CILK1: variants seen among roughly 807,000 people sequenced by gnomAD.
CILK1 encodes serine/threonine-protein kinase ICK.
A neutral mutation model predicts 79.2 loss-of-function variants in CILK1; 47 were observed. That is an observed-to-expected ratio of 0.59 (90% CI 0.47 to 0.76). CILK1 has a LOEUF of 0.76. Among genes scored for constraint, CILK1 ranks in the 30% least tolerant of loss-of-function variants. CILK1 has a pLI of 0.00. For synonymous variants in CILK1, 266 were observed against 275.9 expected (o/e 0.96, Z 0.36); for missense variants, 660 against 769.5 (o/e 0.86, Z 1.68).
chr6:53,048,254 A>C (rs1767240344), intron 1 of CILK1, among the ~76,000 whole-genome samples: 1 of 152,226 alleles, frequency 6.6e-6, no homozygotes, highest in Admixed American at 6.5e-5. Flanking sequence ...GTAGATGAAG[A>C]AACACCGGAT....
chr6:53,033,059 A>G (rs1766074470), intron 3 of CILK1, among the ~76,000 whole-genome samples: 1 of 152,224 alleles, frequency 6.6e-6, no homozygotes, highest in South Asian at 2.1e-4. Context: ...TGAGATCACC[A>G]GCTAACAGTT....
At chr6:53,055,815 A>G (rs1286852493) in intron 1 of CILK1, among the ~76,000 whole-genome samples, 2 of 152,218 alleles carry the variant, frequency 1.3e-5, no homozygotes, top group Admixed American at 1.3e-4. Context: ...TAGGACACAT[A>G]GTTGGCTTTG....
Position 53,005,220 on chromosome 6 carries a change from G to A in CILK1, c.1828C>T (p.Pro610Ser), listed in dbSNP as rs889394256. ...TQPRSTPGLI[P>S]RPPAAQPVHG... ...ACTGGCTGGGCGGCTGGAGGCCGTG[G>A]TATCAACCCAGGAGTGCTTCTAGGC... The change falls in exon 14 of 14, where the codon CCA becomes TCA. Residue 610 changes from proline (P) to serine (S), a missense_variant. Transcript: ENST00000676107. 3.1e-6 allele frequency: 5 copies of A among 1,614,198 alleles called. No individual in the cohort carries two copies. In the East Asian group the frequency reaches 8.9e-5, roughly 29 times the overall value.
intron 1 of CILK1, among the ~76,000 whole-genome samples, chr6:53,054,263 T>C (rs187371723): frequency 1.1e-4 from 16 of 152,276 alleles, no homozygotes; most frequent in Non-Finnish European, 1.6e-4. Flanking sequence ...TAGTGCCTTG[T>C]CCTCACCTCA....
intron 5 of CILK1, among the ~76,000 whole-genome samples, chr6:53,025,447 T>C (rs146527735): frequency 6.6e-6 from 1 of 152,312 alleles, no homozygotes; most frequent in Non-Finnish European, 1.5e-5. Context: ...ACTGTAGTCA[T>C]GCTCCTGTAA....
chr6:53,055,777 T>C (rs888493836), intron 1 of CILK1, among the ~76,000 whole-genome samples: 7 of 152,220 alleles, frequency 4.6e-5, no homozygotes, highest in African/African-American at 1.7e-4. Flanking sequence ...AAAAAAGTTC[T>C]TCAATCACTT....
At chr6:53,023,443 C>G (rs1319923689) in intron 5 of CILK1, among the ~76,000 whole-genome samples, 1 of 152,078 alleles carries the variant, frequency 6.6e-6, no homozygotes, top group Non-Finnish European at 1.5e-5. Flanking sequence ...AGAGAGCAAA[C>G]CAGAGCTGTG....
intron 7 of CILK1, among the ~76,000 whole-genome samples, chr6:53,016,650 A>C (rs1764911209): frequency 6.6e-6 from 1 of 152,232 alleles, no homozygotes; most frequent in African/African-American, 2.4e-5. Context: ...TGGACAAATA[A>C]ATTTGTGAAA....
intron 12 of CILK1, among the ~76,000 whole-genome samples, chr6:53,008,361 G>A (rs1482608876): frequency 6.6e-6 from 1 of 151,656 alleles, no homozygotes; most frequent in African/African-American, 2.4e-5. Context: ...ATGGGGGGAG[G>A]TAAGGGGAAG....
chr6:53,018,782 A>G (rs1254544110), intron 6 of CILK1, among the ~76,000 whole-genome samples: 1 of 152,200 alleles, frequency 6.6e-6, no homozygotes, highest in East Asian at 1.9e-4. Flanking sequence ...AAAAAGAGAG[A>G]AAAGAGAAAG....
intron 3 of CILK1, among the ~76,000 whole-genome samples, chr6:53,033,891 CAGA>C (rs1403053231): frequency 2.6e-5 from 4 of 152,160 alleles, no homozygotes; most frequent in Admixed American, 2.0e-4. Context: ...GCTTCCTCCC[CAGA>C]AGAATAGTTC....
Position 53,030,478 on chromosome 6 carries a change from A to T in CILK1, c.358+587T>A, listed in dbSNP as rs144474958. ...TCACATTTTGCATGGTCTGACAACG[A>T]GCTCACAATCAAATCTTAGCCTGCT... On this transcript the variant is annotated intron_variant, in intron 5 of 13. Transcript: ENST00000676107. Among the ~76,000 whole-genome samples, 134 of 152,338 alleles carry T rather than the reference A, an allele frequency of 8.8e-4. No homozygotes were observed. In the East Asian group the frequency reaches 9.1e-3, roughly 10 times the overall value.
In CILK1 at chr6:53,011,852, T is replaced by G; in HGVS notation, c.1409A>C (p.Gln470Pro). 6.2e-7 allele frequency: 1 copy of G among 1,614,160 alleles called. No individual in the cohort carries two copies. The highest frequency in any genetic ancestry group is 2.2e-5 in the East Asian group (1 of 44,874). ...PVGTGNSAPT[Q>P]TSYQRRDTPT... ...CGTGTCTCGCCGCTGATATGACGTC[T>G]GGGTGGGGGCACTGTTTCCTGTGCC... Residue 470 changes from glutamine to proline, a missense_variant, in exon 11 of 14, where the codon CAG becomes CCG. By Grantham distance (76) the Gln-to-Pro change is moderately conservative. Coordinates refer to ENST00000676107, the MANE Select transcript of CILK1 (RefSeq NM_014920.5).
chr6:53,037,173 T>C (rs1333275394), intron 3 of CILK1, among the ~76,000 whole-genome samples: 1 of 152,194 alleles, frequency 6.6e-6, no homozygotes, highest in African/African-American at 2.4e-5. Flanking sequence ...ACCACTCCAC[T>C]GCACAAGGAA....
chr6:53,024,138 T>C (rs956394050), intron 5 of CILK1, among the ~76,000 whole-genome samples: 1 of 152,276 alleles, frequency 6.6e-6, no homozygotes, highest in African/African-American at 2.4e-5. Flanking sequence ...GTGAAATATT[T>C]ATGAATATAT....
In CILK1 at chr6:53,001,621, T is replaced by C. The variant is rs1346764202; in HGVS notation, c.*3528A>G. 1 of 152,596 alleles carries C rather than the reference T, an allele frequency of 6.6e-6. No homozygotes were observed. The highest frequency in any genetic ancestry group is 2.4e-5 in the African/African-American group (1 of 41,386). The allele number at this position is 152,596 out of a possible 1,614,324, so 9.5% of individuals were successfully genotyped here. On this transcript the variant is annotated 3_prime_UTR_variant, in exon 14 of 14. Transcript: ENST00000676107. ...TCTATGAGAAATTGATAATACAGATTAATGTGATATTTACCTCTAGTTTGT... is the reference window on the plus strand; with the variant it reads ...TCTATGAGAAATTGATAATACAGATCAATGTGATATTTACCTCTAGTTTGT...
At chr6:53,057,235 A>G (rs774208414) in intron 1 of CILK1, among the ~76,000 whole-genome samples, 16 of 148,554 alleles carry the variant, frequency 1.1e-4, no homozygotes, top group Admixed American at 2.0e-4. Context: ...GAGCAGTCAC[A>G]TGTTATCAAT....
At chr6:53,012,896 C>T (rs1181374779) in intron 9 of CILK1, among the ~76,000 whole-genome samples, 3 of 152,022 alleles carry the variant, frequency 2.0e-5, no homozygotes, top group Non-Finnish European at 4.4e-5. Context: ...AAAATAGAAC[C>T]CCTTGTCAGG....
chr6:53,034,354 T>A (rs1052354876), intron 3 of CILK1, among the ~76,000 whole-genome samples: 1 of 152,196 alleles, frequency 6.6e-6, no homozygotes, highest in Non-Finnish European at 1.5e-5. Context: ...TCCCTAGTAG[T>A]TTAATATAAA....
Sources: allele counts gnomAD v4.1 joint callset (sites outside exome capture counted in the v4.1 genomes callset), GRCh38; gene constraint gnomAD v4.1.1; transcripts MANE v1.5; gene names NCBI Gene and HGNC (gene_info 2026-07-23, HGNC 2026-07-21).